The following PCGF3 variants were observed in gnomAD, a reference collection of about 807,000 sequenced individuals.
PCGF3 encodes polycomb group ring finger 3, also known as polycomb group RING finger protein 3.
Under a neutral mutation model 33.1 loss-of-function variants are expected in PCGF3, and 7 were observed. The observed-to-expected ratio is 0.21, with a 90% CI of 0.12 to 0.40. The LOEUF (loss-of-function observed/expected upper bound fraction) is 0.40, where lower values mean the gene tolerates loss of function less well. PCGF3 is among the 10% of genes least tolerant of loss of function. The pLI is 1.00. For missense variants in PCGF3, 211 were observed against 313.3 expected, an observed-to-expected ratio of 0.67 and a Z score of 2.46; for synonymous variants, 153 against 121.3, an observed-to-expected ratio of 1.26 and a Z score of -1.72.
intron 1 of PCGF3, among the ~76,000 whole-genome samples, chr4:729,143 G>A (rs758884342): frequency 2.0e-5 from 3 of 147,976 alleles, no homozygotes; most frequent in Admixed American, 6.8e-5. Context: ...GGCTGGGCAC[G>A]GTGGCTCACA....
At chr4:760,976 G>C (rs560510221) in intron 8 of PCGF3, among the ~76,000 whole-genome samples, 23 of 152,340 alleles carry the variant, frequency 1.5e-4, no homozygotes, top group Middle Eastern at 3.4e-3. Context: ...CTTAGCTGGA[G>C]ACCAAGAACC....
At chr4:752,865 T>C (rs1352855765) in intron 8 of PCGF3, among the ~76,000 whole-genome samples, 1 of 152,262 alleles carries the variant, frequency 6.6e-6, no homozygotes, top group Non-Finnish European at 1.5e-5. Context: ...TCCGCCCATC[T>C]TCGTTTTCAG....
chr4:760,403 C>T (rs945349579), intron 8 of PCGF3, among the ~76,000 whole-genome samples: 4 of 151,368 alleles, frequency 2.6e-5, no homozygotes, highest in South Asian at 2.1e-4. Flanking sequence ...AATCTGTCCT[C>T]GGCTGAGAAG....
exon 11 of PCGF3, chr4:767,308 A>G (rs957969632): frequency 2.0e-5 from 3 of 151,402 alleles, no homozygotes; most frequent in African/African-American, 4.8e-5. Flanking sequence ...AAACAGCCAC[A>G]CACACATTTT....
At chr4:761,531 C>G in intron 9 of PCGF3, 115 bp downstream of exon 9, 1 of 1,423,908 alleles carries the variant, frequency 7.0e-7, no homozygotes, top group East Asian at 2.4e-5. Context: ...AGATTTTAAC[C>G]AGAAAAAAAT....
At chr4:707,498 A>G (rs1403663502) in intron 1 of PCGF3, among the ~76,000 whole-genome samples, 2 of 130,468 alleles carry the variant, frequency 1.5e-5, no homozygotes, top group African/African-American at 5.4e-5. Context: ...GGACCCTGGG[A>G]CAGCCTGTTT....
intron 1 of PCGF3, among the ~76,000 whole-genome samples, chr4:709,319 CAAAT>C (rs1695479813): frequency 6.7e-6 from 1 of 149,428 alleles, no homozygotes; most frequent in South Asian, 2.1e-4. Context: ...GATGCATGAA[CAAAT>C]GAATGAAAGG....
In PCGF3 at chr4:756,794, C is replaced by T. The variant is rs373203062; in HGVS notation, c.463-4485C>T. 1.3e-4 allele frequency among the ~76,000 whole-genome samples: 20 copies of T among 152,322 alleles called. No individual in the cohort carries two copies. In the South Asian group the frequency reaches 2.5e-3, roughly 19 times the overall value. On this transcript the variant is annotated intron_variant, in intron 8 of 10. Coordinates refer to ENST00000362003, the Ensembl canonical transcript of PCGF3. ...CATTAAACACTCACTCCCCACCCCG[C>T]TCCCCCAGCAGGGTTAGATCGCAGA...
intron 8 of PCGF3, among the ~76,000 whole-genome samples, chr4:751,749 C>G (rs1250081658): frequency 1.3e-5 from 2 of 152,262 alleles, no homozygotes; most frequent in African/African-American, 4.8e-5. Flanking sequence ...CCTGGAGGCT[C>G]TGGCCCTCCC....
chr4:740,325 T>C (rs1312525048), intron 6 of PCGF3, among the ~76,000 whole-genome samples: 1 of 152,270 alleles, frequency 6.6e-6, no homozygotes, highest in Non-Finnish European at 1.5e-5. Flanking sequence ...CCCTGCTAGA[T>C]CAGAGGTGGG....
chr4:760,500 G>T (rs1392783829), intron 8 of PCGF3, among the ~76,000 whole-genome samples: 1 of 152,148 alleles, frequency 6.6e-6, no homozygotes, highest in African/African-American at 2.4e-5. Context: ...TTCAATACTT[G>T]CCCGTCTGTA....
chr4:768,932 A>G (rs943765561), exon 11 of PCGF3: 1 of 152,702 alleles, frequency 6.5e-6, no homozygotes, highest in African/African-American at 2.4e-5. Flanking sequence ...ATCTGTTTAA[A>G]TGGTAATGTA....
At chr4:711,859 G>A (rs1290938697) in intron 1 of PCGF3, among the ~76,000 whole-genome samples, 7 of 151,712 alleles carry the variant, frequency 4.6e-5, no homozygotes, top group Admixed American at 3.9e-4. Flanking sequence ...TACTTGGGAG[G>A]CTGAGGCAGG....
At chr4:714,442 GGCC>G (rs1277763710) in intron 1 of PCGF3, among the ~76,000 whole-genome samples, 1 of 152,226 alleles carries the variant, frequency 6.6e-6, no homozygotes, top group African/African-American at 2.4e-5. Context: ...AACTAGGGGA[GGCC>G]CCCACACCGC....
intron 7 of PCGF3, 166 bp downstream of exon 7, chr4:743,750 C>G (rs1279622909): frequency 7.1e-6 from 4 of 562,430 alleles, no homozygotes; most frequent in Non-Finnish European, 1.3e-5. Flanking sequence ...CCTCCTCACT[C>G]CTGGTACCAG....
intron 7 of PCGF3, 30 bp from the exon 8 acceptor site, chr4:744,570 T>C (rs1433738230): frequency 6.7e-7 from 1 of 1,494,524 alleles, no homozygotes. Context: ...TTGGATTTCA[T>C]GGTGCGCTAT....
In PCGF3 at chr4:744,586, G is replaced by C; in HGVS notation, c.374-14G>C. The C allele has an allele frequency of 6.5e-7, 1 of 1,545,878 alleles. No homozygotes were observed. ...TGGATTTCATGGTGCGCTATGTTCT[G>C]TTTGTGCTAAAAGGTGAAACCAAAG... On this transcript the variant is annotated splice_polypyrimidine_tract_variant and intron_variant, in intron 7 of 10. Transcript: ENST00000362003.
intron 8 of PCGF3, among the ~76,000 whole-genome samples, chr4:754,089 T>C (rs541388845): frequency 6.6e-6 from 1 of 152,298 alleles, no homozygotes; most frequent in Admixed American, 6.5e-5. Flanking sequence ...TCTGCTCATC[T>C]TCGCTCGTGC....
chr4:713,807 C>T (rs527917422), intron 1 of PCGF3, among the ~76,000 whole-genome samples: 19 of 152,264 alleles, frequency 1.2e-4, no homozygotes, highest in East Asian at 3.9e-4. Flanking sequence ...GTGCTTATTT[C>T]GCAGTGTGAG....
Sources: allele counts gnomAD v4.1 joint callset (sites outside exome capture counted in the v4.1 genomes callset), GRCh38; gene constraint gnomAD v4.1.1; transcripts MANE v1.5; gene names NCBI Gene and HGNC (gene_info 2026-07-23, HGNC 2026-07-21).